PCSK2: variants seen among roughly 807,000 people sequenced by gnomAD.
The protein encoded by PCSK2 is proprotein convertase subtilisin/kexin type 2, also known as neuroendocrine convertase 2.
In PCSK2, 14 loss-of-function variants were observed where a neutral mutation model predicts 69.7. The ratio of observed to expected loss-of-function variants is 0.20; its 90% CI spans 0.13 to 0.31. PCSK2 has a LOEUF of 0.31. Among genes scored for constraint, PCSK2 ranks in the 10% least tolerant of loss-of-function variants. The pLI, the probability that PCSK2 is intolerant of heterozygous loss-of-function variation, is 1.00. For missense variants in PCSK2, 544 were observed against 842.5 expected, an observed-to-expected ratio of 0.65 and a Z score of 4.39; for synonymous variants, 307 against 320.7, an observed-to-expected ratio of 0.96 and a Z score of 0.46.
chr20:17,249,475 C>G (rs2122971737), intron 1 of PCSK2, among the ~76,000 whole-genome samples: 1 of 145,698 alleles, frequency 6.9e-6, no homozygotes, highest in Admixed American at 7.0e-5. Context: ...CCACTGCACT[C>G]CAGACTGGGA....
At chr20:17,451,168 G>A (rs1329938992) in intron 8 of PCSK2, among the ~76,000 whole-genome samples, 2 of 152,218 alleles carry the variant, frequency 1.3e-5, no homozygotes, top group East Asian at 1.9e-4. Flanking sequence ...TTGTGGGCAA[G>A]TCTCATGGTT....
intron 2 of PCSK2, among the ~76,000 whole-genome samples, chr20:17,287,566 G>A (rs1355173053): frequency 6.6e-6 from 1 of 152,108 alleles, no homozygotes; most frequent in African/African-American, 2.4e-5. Context: ...AAGCATAGGA[G>A]CAAGTGGGGT....
chr20:17,279,572 G>A lies in PCSK2; in HGVS notation c.282+19228G>A, dbSNP rs540877592. On this transcript the variant is annotated intron_variant, in intron 2 of 11. Coordinates refer to ENST00000262545, the MANE Select transcript of PCSK2 (RefSeq NM_002594.5). ...TGTAATCCCAGCACTTTGGGAGGCCGAGGCGGGTGGATCACCTGAGGTCCA... is the reference window on the plus strand; with the variant it reads ...TGTAATCCCAGCACTTTGGGAGGCCAAGGCGGGTGGATCACCTGAGGTCCA... 4.0e-3 allele frequency among the ~76,000 whole-genome samples: 608 copies of A among 151,994 alleles called. 2 individuals are homozygous for A. The highest frequency in any genetic ancestry group is 8.1e-3 in the Admixed American group (123 of 15,278).
Position 17,481,794 on chromosome 20 carries a change from G to A in PCSK2, c.1641G>A (p.Val547=), listed in dbSNP as rs775045294. 1 of 1,614,130 alleles carries A rather than the reference G, an allele frequency of 6.2e-7. No individual in the cohort carries two copies. The highest frequency in any genetic ancestry group is 1.1e-5 in the South Asian group (1 of 91,080). ...GTCCAAGGGATGACGACTCCAAGGT[G>A]GGCTTTGACAAGTGGCCTTTCATGA... is the stretch of plus-strand genomic sequence containing the variant. The part of the protein sequence containing the change: ...SRRPRDDDSK[V]GFDKWPFMTT... Residue 547 remains valine (V), a synonymous_variant, in exon 12 of 12, where the codon GTG becomes GTA. Transcript: ENST00000262545.
chr20:17,479,586 T>C (rs890892836), intron 11 of PCSK2, among the ~76,000 whole-genome samples: 4 of 151,990 alleles, frequency 2.6e-5, no homozygotes, highest in Non-Finnish European at 4.4e-5. Flanking sequence ...GATCACAAGG[T>C]CAGGAGATCG....
chr20:17,366,059 G>A (rs2030581649), intron 4 of PCSK2, among the ~76,000 whole-genome samples: 1 of 152,186 alleles, frequency 6.6e-6, no homozygotes, highest in Non-Finnish European at 1.5e-5. Flanking sequence ...GGTTTTCTAT[G>A]GTAGCCCCAC....
intron 1 of PCSK2, among the ~76,000 whole-genome samples, chr20:17,231,338 G>A (rs1156587474): frequency 1.3e-5 from 2 of 152,180 alleles, no homozygotes; most frequent in Admixed American, 6.5e-5. Context: ...TTTTATTAAA[G>A]TATAATTTAG....
At chr20:17,315,777 T>C (rs948335672) in intron 2 of PCSK2, among the ~76,000 whole-genome samples, 1 of 152,112 alleles carries the variant, frequency 6.6e-6, no homozygotes, top group Non-Finnish European at 1.5e-5. Flanking sequence ...GCCGACACGG[T>C]CTCCTGCAGG....
intron 8 of PCSK2, among the ~76,000 whole-genome samples, chr20:17,438,956 T>C (rs2032542508): frequency 6.6e-6 from 1 of 152,168 alleles, no homozygotes; most frequent in Non-Finnish European, 1.5e-5. Context: ...CTGAGAGCCC[T>C]CCCTCAATGA....
chr20:17,309,851 A>AGAG, intron 2 of PCSK2, among the ~76,000 whole-genome samples: 1 of 147,980 alleles, frequency 6.8e-6, no homozygotes, highest in Non-Finnish European at 1.5e-5. Context: ...AGGAAGAGGA[A>AGAG]GAAGAAGAAG....
intron 2 of PCSK2, among the ~76,000 whole-genome samples, chr20:17,270,150 A>C (rs1468577075): frequency 1.3e-5 from 2 of 152,108 alleles, no homozygotes; most frequent in Non-Finnish European, 2.9e-5. Flanking sequence ...TTCTAAGATA[A>C]CGTTTTGTGA....
rs147629249 is a variant in PCSK2, at chr20:17,387,984, A to G, written c.543+18707A>G. ...AAGGGAAGATTTCCCTAGAGTAGCTATCCCTATGCTGATACCTTAAGAATG... is the reference window on the plus strand; with the variant it reads ...AAGGGAAGATTTCCCTAGAGTAGCTGTCCCTATGCTGATACCTTAAGAATG... On this transcript the variant is annotated intron_variant, in intron 5 of 11. Coordinates refer to ENST00000262545, the MANE Select transcript of PCSK2 (RefSeq NM_002594.5). Among the ~76,000 whole-genome samples the G allele has an allele frequency of 4.0e-3, 602 of 152,314 alleles. 1 individual carries two copies. The highest frequency in any genetic ancestry group is 6.3e-3 in the Non-Finnish European group (427 of 68,016).
intron 5 of PCSK2, among the ~76,000 whole-genome samples, chr20:17,400,119 T>C (rs2031601513): frequency 6.6e-6 from 1 of 152,228 alleles, no homozygotes; most frequent in African/African-American, 2.4e-5. Flanking sequence ...AGCTCTTTAG[T>C]GAAGTATGGC....
chr20:17,322,779 T>G (rs1230596156), intron 2 of PCSK2, among the ~76,000 whole-genome samples: 1 of 152,212 alleles, frequency 6.6e-6, no homozygotes, highest in African/African-American at 2.4e-5. Context: ...CTGATGCTTC[T>G]TTTATAAGGG....
chr20:17,469,547 TAA>T (rs778449318), intron 11 of PCSK2, among the ~76,000 whole-genome samples: 1 of 140,014 alleles, frequency 7.1e-6, no homozygotes, highest in African/African-American at 2.6e-5. Context: ...CCAGAAAGGA[TAA>T]AAAAAAAAAA....
At chr20:17,284,362 A>T (rs1283388412) in intron 2 of PCSK2, among the ~76,000 whole-genome samples, 4 of 152,192 alleles carry the variant, frequency 2.6e-5, no homozygotes, top group African/African-American at 4.8e-5. Context: ...TAACTGTGAC[A>T]TACAGCACAC....
At chr20:17,407,381 A>C (rs755214346) in intron 5 of PCSK2, among the ~76,000 whole-genome samples, 17 of 152,168 alleles carry the variant, frequency 1.1e-4, no homozygotes, top group Non-Finnish European at 2.1e-4. Context: ...CAGATTGGGC[A>C]GATACTCTTC....
At chr20:17,236,295 T>C (rs1250252806) in intron 1 of PCSK2, among the ~76,000 whole-genome samples, 2 of 152,136 alleles carry the variant, frequency 1.3e-5, no homozygotes, top group Non-Finnish European at 2.9e-5. Flanking sequence ...AAAGGAGATA[T>C]TATTTCCTAA....
intron 2 of PCSK2, among the ~76,000 whole-genome samples, chr20:17,335,317 C>T (rs6111511): frequency 0.88 from 131,171 of 149,414 alleles, 57,726 homozygotes; most frequent in East Asian, 1. Context: ...AGGACCATAG[C>T]CTCAGGGGGC....
Sources: allele counts gnomAD v4.1 joint callset (sites outside exome capture counted in the v4.1 genomes callset), GRCh38; gene constraint gnomAD v4.1.1; transcripts MANE v1.5; gene names NCBI Gene and HGNC (gene_info 2026-07-23, HGNC 2026-07-21).